The following HEG1 variants were observed in gnomAD, a reference collection of about 807,000 sequenced individuals.
The protein encoded by HEG1 is heart development protein with EGF like domains 1.
Under a neutral mutation model 125.6 loss-of-function variants are expected in HEG1, and 56 were observed. The ratio of observed to expected loss-of-function variants is 0.45; its 90% CI spans 0.36 to 0.56. The LOEUF is 0.56. Among genes scored for constraint, HEG1 ranks in the 20% least tolerant of loss-of-function variants. The pLI, the probability that HEG1 is intolerant of heterozygous loss-of-function variation, is 0.00. For missense variants in HEG1, 1,523 were observed against 1,670.0 expected, an observed-to-expected ratio of 0.91 and a Z score of 1.53; for synonymous variants, 644 against 668.5, an observed-to-expected ratio of 0.96 and a Z score of 0.57.
chr3:124,983,665 C>T (rs1218399417), intron 14 of HEG1, among the ~76,000 whole-genome samples: 1 of 152,062 alleles, frequency 6.6e-6, no homozygotes, highest in Admixed American at 6.6e-5. Flanking sequence ...TTCCATTCCT[C>T]CTCCATCTCT....
rs1302431201 is a variant in HEG1, at chr3:125,055,624, G to A, written c.267C>T (p.Ala89=). 1.7e-6 allele frequency: 2 copies of A among 1,203,388 alleles called. No individual in the cohort carries two copies. Among genetic ancestry groups the A allele is most frequent in the Non-Finnish European group, 2.1e-6 (2 of 969,498 alleles). 74.5% of individuals were successfully genotyped at this position (1,203,388 alleles called of 1,614,324 possible). The change falls in exon 1 of 17, where the codon GCC becomes GCT. Residue 89 remains alanine, a synonymous_variant. Coordinates refer to ENST00000311127, the MANE Select transcript of HEG1 (RefSeq NM_020733.2). ...GPSYRAPEPG[A]ATQRGPSGRA... Reference sequence around the variant, plus strand: ...GGCCGGAGGGTCCCCGCTGTGTCGCGGCGCCTGGCTCAGGGGCCCTGTAGC... The same window carrying A: ...GGCCGGAGGGTCCCCGCTGTGTCGCAGCGCCTGGCTCAGGGGCCCTGTAGC...
intron 14 of HEG1, among the ~76,000 whole-genome samples, chr3:124,978,258 C>A (rs997644392): frequency 6.6e-6 from 1 of 152,176 alleles, no homozygotes; most frequent in African/African-American, 2.4e-5. Context: ...AGCGATTCTC[C>A]TGCCTCGGCC....
intron 3 of HEG1, among the ~76,000 whole-genome samples, chr3:125,024,630 G>C (rs538489918): frequency 6.6e-6 from 1 of 152,180 alleles, no homozygotes; most frequent in Non-Finnish European, 1.5e-5. Flanking sequence ...CCATTGCCTA[G>C]GCCTATACTT....
At chr3:125,018,864 CTTTTTTTTTT>C (rs755310479) in intron 5 of HEG1, among the ~76,000 whole-genome samples, 5 of 119,600 alleles carry the variant, frequency 4.2e-5, no homozygotes, top group Non-Finnish European at 7.0e-5. Context: ...TTCATGCATG[CTTTTTTTTTT>C]TTTTTTTTTT....
In HEG1 at chr3:125,013,237, T is replaced by C; in HGVS notation, c.2342A>G (p.Gln781Arg). 1 of 1,614,040 alleles carries C rather than the reference T, an allele frequency of 6.2e-7. No individual in the cohort carries two copies. The highest frequency in any genetic ancestry group is 8.5e-7 in the Non-Finnish European group (1 of 1,179,906). ...GACTTTCTCTTGGTGTGGGGTGCTC[T>C]GGCTCTTAAGGTCTGCAGTTTGACT... ...HSSQTADLKS[Q>R]STPHQEKVIT... The change falls in exon 6 of 17, where the codon CAG (glutamine) becomes CGG (arginine). Residue 781 changes from glutamine (Q) to arginine (R), a missense_variant. Physicochemically the swap from Gln to Arg is conservative, Grantham distance 43 (BLOSUM62 1). Coordinates refer to ENST00000311127, the MANE Select transcript of HEG1 (RefSeq NM_020733.2).
intron 6 of HEG1, 41 bp downstream of exon 6, chr3:125,012,582 G>A (rs757535031): frequency 5.6e-5 from 88 of 1,568,376 alleles, no homozygotes; most frequent in Non-Finnish European, 7.6e-5. Context: ...GTGCTGGACT[G>A]GGCCTTGCAG....
chr3:125,045,418 C>T (rs1230650405), intron 1 of HEG1, among the ~76,000 whole-genome samples: 2 of 152,196 alleles, frequency 1.3e-5, no homozygotes, highest in East Asian at 3.8e-4. Context: ...CTTATTCTCT[C>T]GCAATCCTAG....
chr3:124,995,641 G>C (rs543225371), intron 12 of HEG1, among the ~76,000 whole-genome samples: 5 of 152,352 alleles, frequency 3.3e-5, no homozygotes, highest in African/African-American at 1.2e-4. Context: ...CCAGCCTAAA[G>C]GGCTGTGGCC....
chr3:124,995,448 G>T (rs183949244), intron 12 of HEG1, among the ~76,000 whole-genome samples: 1,882 of 152,362 alleles, frequency 0.012, 42 homozygotes, highest in African/African-American at 0.043. Context: ...CACGTTGTGT[G>T]TGCATGTGTG....
intron 1 of HEG1, among the ~76,000 whole-genome samples, chr3:125,044,485 C>A (rs1045471136): frequency 6.6e-6 from 1 of 152,160 alleles, no homozygotes. Context: ...CCACTCCATG[C>A]CAGCCACTGT....
At chr3:125,044,777 G>C (rs1937636764) in intron 1 of HEG1, among the ~76,000 whole-genome samples, 1 of 152,212 alleles carries the variant, frequency 6.6e-6, no homozygotes, top group South Asian at 2.1e-4. Flanking sequence ...TGTACTGAAA[G>C]CAAAAGCCAG....
At chr3:124,973,957 T>C in intron 15 of HEG1, 52 bp from the exon 16 acceptor site, 1 of 1,241,200 alleles carries the variant, frequency 8.1e-7, no homozygotes, top group Admixed American at 2.0e-5. Flanking sequence ...GAAGTGATAC[T>C]GTGAAAGCAC....
chr3:124,995,537 ACTC>A (rs1204966467), intron 12 of HEG1, among the ~76,000 whole-genome samples: 2 of 151,994 alleles, frequency 1.3e-5, no homozygotes, highest in Non-Finnish European at 2.9e-5. Context: ...GAAAACACAC[ACTC>A]CTCTATCCTC....
rs144490964 is a variant in HEG1 at position 125,054,669 on chromosome 3, C to T, written c.316+906G>A. Among the ~76,000 whole-genome samples the T allele has an allele frequency of 1.7e-4, 26 of 152,340 alleles. No individual in the cohort carries two copies. The East Asian group carries it at 5.0e-3, about 29-fold the overall frequency. ...CACAGGAAGGCAAAGGCTAACACCA[C>T]CACGTTGCTGACTTTGTTCAAAGCA... On this transcript the variant is annotated intron_variant, in intron 1 of 16. Coordinates refer to ENST00000311127, the MANE Select transcript of HEG1 (RefSeq NM_020733.2).
chr3:124,976,350 C>T (rs944212861), intron 15 of HEG1, among the ~76,000 whole-genome samples: 1 of 152,084 alleles, frequency 6.6e-6, no homozygotes, highest in Admixed American at 6.5e-5. Flanking sequence ...CCACACCCAG[C>T]TAATTTTTTA....
At chr3:124,988,128 C>T (rs1346314921) in intron 14 of HEG1, among the ~76,000 whole-genome samples, 3 of 151,640 alleles carry the variant, frequency 2.0e-5, no homozygotes, top group East Asian at 1.9e-4. Context: ...GATCAGTTTA[C>T]GAGCTCTCTG....
At position 124,970,814 on chromosome 3, in the gene HEG1, G is replaced by T; in HGVS notation, c.3997-13C>A. 6.3e-7 allele frequency: 1 copy of T among 1,599,938 alleles called. No homozygotes were observed. The highest frequency in any genetic ancestry group is 8.5e-7 in the Non-Finnish European group (1 of 1,173,128). Reference sequence around the variant, plus strand: ...TTACACTTGTAGGCTGGTTGCCAAAGAGAAAAGAAGAAAAGTCAATTTATC... The same window carrying T: ...TTACACTTGTAGGCTGGTTGCCAAATAGAAAAGAAGAAAAGTCAATTTATC... On this transcript the variant is annotated splice_polypyrimidine_tract_variant and intron_variant, in intron 16 of 16. Coordinates refer to ENST00000311127, the MANE Select transcript of HEG1 (RefSeq NM_020733.2).
chr3:125,046,849 C>A (rs574686906), intron 1 of HEG1, among the ~76,000 whole-genome samples: 4 of 152,310 alleles, frequency 2.6e-5, no homozygotes, highest in South Asian at 4.1e-4. Flanking sequence ...GTATTGATAA[C>A]CCCCAAAGGT....
In HEG1 at chr3:124,966,786, A is replaced by G. The variant is rs1419353647; in HGVS notation, c.*3866T>C. 1 of 152,264 alleles carries G rather than the reference A, an allele frequency of 6.6e-6. No individual in the cohort carries two copies. The highest frequency in any genetic ancestry group is 2.4e-5 in the African/African-American group (1 of 41,468). 9.4% of individuals were successfully genotyped at this position (152,264 alleles called of 1,614,324 possible). A position where few individuals can be genotyped will look rare whatever the true frequency, so the allele number is the denominator to read the frequency against. On this transcript the variant is annotated 3_prime_UTR_variant, in exon 17 of 17. Transcript: ENST00000311127. ...AGTGGACAGCTCCTCTTCCTCAGGC[A>G]GAGTTAAATCGGCTTACAGGACACC...
Sources: gnomAD v4.1 joint callset for allele counts (sites outside exome capture counted in the v4.1 genomes callset) on GRCh38, gnomAD v4.1.1 for gene constraint, MANE v1.5 for transcripts, NCBI Gene and HGNC (gene_info 2026-07-23, HGNC 2026-07-21) for gene names.